The following RPS6KC1 variants were observed in gnomAD, a reference collection of about 807,000 sequenced individuals.
RPS6KC1 encodes the protein inactive ribosomal protein S6 kinase delta-1.
A neutral mutation model predicts 103.8 loss-of-function variants in RPS6KC1; 54 were observed. That is an observed-to-expected ratio of 0.52 (90% CI 0.42 to 0.65). The LOEUF (loss-of-function observed/expected upper bound fraction) is 0.65, where lower values mean the gene tolerates loss of function less well. Ranked by LOEUF, RPS6KC1 falls within the 30% of genes least tolerant of loss-of-function variation. The pLI is 0.00. For missense variants in RPS6KC1, 1,151 were observed against 1,253.8 expected (o/e 0.92, Z 1.24); for synonymous variants, 439 against 438.7 (o/e 1.00, Z -0.01).
At chr1:213,784,589 A>G in the RPS6KC1 span, among the ~76,000 whole-genome samples, 4 of 152,212 alleles carry the variant, frequency 2.6e-5, no homozygotes, top group East Asian at 5.8e-4. Context: ...AACTTGAGTC[A>G]CTTGCTGAAG....
chr1:213,775,448 T>C, the RPS6KC1 span, among the ~76,000 whole-genome samples: 1 of 152,172 alleles, frequency 6.6e-6, no homozygotes, highest in African/African-American at 2.4e-5. Context: ...AATATTGCAA[T>C]AAAGCAAGCC....
chr1:213,221,628 ATGTC>A lies in RPS6KC1; in HGVS notation c.1045-8866_1045-8863del, dbSNP rs1242088333. 3.9e-5 allele frequency among the ~76,000 whole-genome samples: 6 copies of A among 152,308 alleles called. No individual in the cohort carries two copies. In the East Asian group the frequency reaches 5.8e-4, roughly 15 times the overall value. On this transcript the variant is annotated intron_variant, in intron 8 of 14. Transcript: ENST00000366960. Reference sequence around the variant, plus strand: ...AATTAGCATACTAAAACCTTTGTGAATGTCTGGGCATTTAAAGAAATCTACAATT... The same window carrying A: ...AATTAGCATACTAAAACCTTTGTGAATGGGCATTTAAAGAAATCTACAATT...
chr1:213,815,003 T>C, the RPS6KC1 span, among the ~76,000 whole-genome samples: 1 of 152,166 alleles, frequency 6.6e-6, no homozygotes, highest in Non-Finnish European at 1.5e-5. Context: ...CCAAATCTCA[T>C]CTTGAATTGT....
the RPS6KC1 span, among the ~76,000 whole-genome samples, chr1:213,332,297 G>A: frequency 2.6e-5 from 4 of 152,220 alleles, no homozygotes; most frequent in African/African-American, 9.7e-5. Context: ...GTATTAAGTG[G>A]TGTACCCTCC....
chr1:213,176,438 A>G lies in RPS6KC1; in HGVS notation c.990A>G (p.Leu330=), dbSNP rs373867090. The part of the protein sequence containing the change: ...GSLSSRPLWN[L]RSPAEELKAF... ...TAAGTTCAAGGCCCCTTTGGAACCT[A>G]AGGAGCCCTGCCGAGGAGCTGAAGG... The change falls in exon 8 of 15, where the codon CTA becomes CTG. Residue 330 remains leucine (L), a synonymous_variant. Transcript: ENST00000366960. 7.3e-5 allele frequency: 118 copies of G among 1,609,184 alleles called. No individual in the cohort carries two copies. Among genetic ancestry groups the G allele is most frequent in the Non-Finnish European group, 9.7e-5 (114 of 1,176,482 alleles).
chr1:213,225,798 C>T (rs1211962901), intron 8 of RPS6KC1, among the ~76,000 whole-genome samples: 2 of 152,184 alleles, frequency 1.3e-5, no homozygotes, highest in Non-Finnish European at 2.9e-5. Context: ...AATTAAGGGG[C>T]TTTTAATAGG....
At chr1:213,303,634 C>T in the RPS6KC1 span, among the ~76,000 whole-genome samples, 2 of 152,112 alleles carry the variant, frequency 1.3e-5, no homozygotes. Flanking sequence ...ACCCAAACCC[C>T]AGAGAGTCCA....
At chr1:213,794,576 A>G in the RPS6KC1 span, 2 of 152,332 alleles carry the variant, frequency 1.3e-5, no homozygotes, top group African/African-American at 2.4e-5. Flanking sequence ...TAAAAATTCC[A>G]TTAAAAAATC....
At chr1:213,547,041 A>G in the RPS6KC1 span, among the ~76,000 whole-genome samples, 2 of 152,152 alleles carry the variant, frequency 1.3e-5, no homozygotes, top group Non-Finnish European at 2.9e-5. Flanking sequence ...GTTTTGAGAA[A>G]TGATTCTCAA....
chr1:213,585,016 C>A, the RPS6KC1 span, among the ~76,000 whole-genome samples: 1 of 152,176 alleles, frequency 6.6e-6, no homozygotes, highest in Admixed American at 6.5e-5. Flanking sequence ...TACATTCAGA[C>A]CTGAACTTGA....
At chr1:213,737,389 C>A in the RPS6KC1 span, among the ~76,000 whole-genome samples, 1 of 152,282 alleles carries the variant, frequency 6.6e-6, no homozygotes, top group South Asian at 2.1e-4. Context: ...ACAGCTTTAT[C>A]TGATTTGATC....
the RPS6KC1 span, among the ~76,000 whole-genome samples, chr1:213,482,540 GTTTTTTTTTTTTTTTTT>G: frequency 8.2e-5 from 5 of 61,150 alleles, no homozygotes; most frequent in Non-Finnish European, 1.3e-4. Context: ...CTAACTTGAG[GTTTTTTTTTTTTTTTTT>G]TTTTTTTTTT....
the RPS6KC1 span, among the ~76,000 whole-genome samples, chr1:213,742,844 T>C: frequency 1.3e-5 from 2 of 152,146 alleles, no homozygotes; most frequent in East Asian, 1.9e-4. Flanking sequence ...TTGGTAAAAA[T>C]TGAAGCCAGG....
chr1:213,226,289 A>G (rs2093961082), intron 8 of RPS6KC1, among the ~76,000 whole-genome samples: 1 of 151,846 alleles, frequency 6.6e-6, no homozygotes, highest in Non-Finnish European at 1.5e-5. Context: ...AAATGTCTTC[A>G]CAGATTCAAC....
At chr1:213,365,414 C>T in the RPS6KC1 span, among the ~76,000 whole-genome samples, 1 of 152,172 alleles carries the variant, frequency 6.6e-6, no homozygotes, top group South Asian at 2.1e-4. Context: ...AATATTGATT[C>T]GTAGAATTAC....
chr1:213,737,996 A>C, the RPS6KC1 span, among the ~76,000 whole-genome samples: 2 of 152,234 alleles, frequency 1.3e-5, no homozygotes, highest in African/African-American at 4.8e-5. Flanking sequence ...GGTAGTGAAT[A>C]TAATGTCTCC....
chr1:213,808,039 C>G, the RPS6KC1 span, among the ~76,000 whole-genome samples: 1 of 152,194 alleles, frequency 6.6e-6, no homozygotes, highest in Admixed American at 6.5e-5. Context: ...GCTAGAGGTC[C>G]ACTCCAGACC....
chr1:213,667,831 C>G, the RPS6KC1 span, among the ~76,000 whole-genome samples: 2 of 152,216 alleles, frequency 1.3e-5, no homozygotes, highest in Non-Finnish European at 2.9e-5. Flanking sequence ...TAACAATGTT[C>G]ATAGCATCTT....
At chr1:213,601,155 G>T in the RPS6KC1 span, among the ~76,000 whole-genome samples, 1 of 152,054 alleles carries the variant, frequency 6.6e-6, no homozygotes, top group African/African-American at 2.4e-5. Flanking sequence ...CCAAAACAAA[G>T]ATCTGATTCA....
Sources: allele counts gnomAD v4.1 joint callset (sites outside exome capture counted in the v4.1 genomes callset), GRCh38; gene constraint gnomAD v4.1.1; transcripts MANE v1.5; gene names NCBI Gene and HGNC (gene_info 2026-07-23, HGNC 2026-07-21).